MAGI2: variants seen among roughly 807,000 people sequenced by gnomAD.
MAGI2 encodes membrane-associated guanylate kinase, WW and PDZ domain-containing protein 2.
A neutral mutation model predicts 133.3 loss-of-function variants in MAGI2; 35 were observed. That is an observed-to-expected ratio of 0.26 (90% CI 0.20 to 0.35). MAGI2 has a LOEUF of 0.35. Among genes scored for constraint, MAGI2 ranks in the 10% least tolerant of loss-of-function variants. The pLI is 1.00. For synonymous variants in MAGI2, 729 were observed against 710.6 expected (o/e 1.03, Z -0.41); for missense variants, 1,636 against 1,863.4 (o/e 0.88, Z 2.25).
At chr7:79,026,947 G>T (rs1809953497) in intron 1 of MAGI2, among the ~76,000 whole-genome samples, 1 of 151,594 alleles carries the variant, frequency 6.6e-6, no homozygotes, top group East Asian at 1.9e-4. Flanking sequence ...ATGACCAAAA[G>T]ACATATTTAA....
chr7:79,089,054 T>C (rs901851639), intron 1 of MAGI2, among the ~76,000 whole-genome samples: 7 of 152,062 alleles, frequency 4.6e-5, no homozygotes, highest in African/African-American at 1.7e-4. Flanking sequence ...TCTATCCATC[T>C]GACAGAATCT....
chr7:79,288,883 T>C lies in MAGI2; in HGVS notation c.301+164137A>G, dbSNP rs1172691102. On this transcript the variant is annotated intron_variant, in intron 1 of 21. Transcript: ENST00000354212. Reference sequence around the variant, plus strand: ...CATACAATGAATGACGTTTAAATACTAGACTTTTTTCTTTTTTTAAGTTGG... The same window carrying C: ...CATACAATGAATGACGTTTAAATACCAGACTTTTTTCTTTTTTTAAGTTGG... Among the ~76,000 whole-genome samples the C allele has an allele frequency of 2.6e-5, 4 of 152,194 alleles. No homozygotes were observed. In the East Asian group the frequency reaches 5.8e-4, roughly 22 times the overall value.
chr7:78,167,791 G>A lies in MAGI2; in HGVS notation c.2596+125C>T, dbSNP rs771343140. On this transcript the variant is annotated intron_variant, in intron 15 of 21. Coordinates refer to ENST00000354212, the MANE Select transcript of MAGI2 (RefSeq NM_012301.4). ...TCATCATTACTTTTGGAATATCTAGGTTGTTTCCTTCCTCATATAATGTAG... is the reference window on the plus strand; with the variant it reads ...TCATCATTACTTTTGGAATATCTAGATTGTTTCCTTCCTCATATAATGTAG... 4.6e-6 allele frequency: 4 copies of A among 863,084 alleles called. No homozygotes were observed. In the East Asian group the frequency reaches 9.9e-5, roughly 21 times the overall value. 53.5% of individuals were successfully genotyped at this position (863,084 alleles called of 1,614,324 possible). A position where few individuals can be genotyped will look rare whatever the true frequency, so the allele number is the denominator to read the frequency against.
At chr7:79,371,130 T>C (rs2129133623) in intron 1 of MAGI2, among the ~76,000 whole-genome samples, 1 of 152,282 alleles carries the variant, frequency 6.6e-6, no homozygotes, top group South Asian at 2.1e-4. Context: ...TATTTTCTTC[T>C]TCTAAAATCC....
At chr7:78,747,410 T>C (rs922102570) in intron 2 of MAGI2, among the ~76,000 whole-genome samples, 2 of 152,168 alleles carry the variant, frequency 1.3e-5, no homozygotes, top group African/African-American at 4.8e-5. Context: ...AATAAATATT[T>C]ATTGAATGTC....
rs900318863 is a variant in MAGI2, at chr7:78,386,260, C to A, written c.1046-17047G>T. Among the ~76,000 whole-genome samples the A allele has an allele frequency of 5.3e-5, 8 of 152,200 alleles. No individual in the cohort carries two copies. The East Asian group carries it at 1.2e-3, about 22-fold the overall frequency. Reference sequence around the variant, plus strand: ...TCCATACAGCATATATATATTCTCTCTATATAATAATGCAAAAAAAGTAGA... The same window carrying A: ...TCCATACAGCATATATATATTCTCTATATATAATAATGCAAAAAAAGTAGA... On this transcript the variant is annotated intron_variant, in intron 6 of 21. Coordinates refer to ENST00000354212, the MANE Select transcript of MAGI2 (RefSeq NM_012301.4).
chr7:78,884,130 A>T (rs1022201062), intron 2 of MAGI2, among the ~76,000 whole-genome samples: 2 of 152,150 alleles, frequency 1.3e-5, no homozygotes, highest in African/African-American at 4.8e-5. Context: ...AATATTCAGA[A>T]TCTATAAAAA....
chr7:78,383,615 A>ACTTTTT (rs1795120856), intron 6 of MAGI2, among the ~76,000 whole-genome samples: 1 of 151,788 alleles, frequency 6.6e-6, no homozygotes, highest in African/African-American at 2.4e-5. Context: ...AACATAGTTC[A>ACTTTTT]CTTTTTCTTT....
intron 1 of MAGI2, among the ~76,000 whole-genome samples, chr7:79,257,807 A>T (rs1016555752): frequency 6.6e-6 from 1 of 152,060 alleles, no homozygotes; most frequent in Non-Finnish European, 1.5e-5. Flanking sequence ...ACTCACGAGA[A>T]AAAGGAATAA....
At chr7:78,920,988 T>C (rs1799179713) in intron 2 of MAGI2, among the ~76,000 whole-genome samples, 1 of 152,174 alleles carries the variant, frequency 6.6e-6, no homozygotes, top group African/African-American at 2.4e-5. Context: ...CCTTTGTTCC[T>C]AACTTTCCTG....
intron 2 of MAGI2, among the ~76,000 whole-genome samples, chr7:78,697,804 C>T (rs1426307665): frequency 6.6e-6 from 1 of 152,072 alleles, no homozygotes; most frequent in Non-Finnish European, 1.5e-5. Context: ...ATTATGTCTA[C>T]ATTGCCTTTC....
Position 78,532,733 on chromosome 7 carries a change from A to C in MAGI2, c.539-11088T>G, listed in dbSNP as rs1199230438. Among the ~76,000 whole-genome samples, 4 of 152,244 alleles carry C rather than the reference A, an allele frequency of 2.6e-5. No homozygotes were observed. The South Asian group carries it at 8.3e-4, about 31-fold the overall frequency. On this transcript the variant is annotated intron_variant, in intron 3 of 21. Coordinates refer to ENST00000354212, the MANE Select transcript of MAGI2 (RefSeq NM_012301.4). ...AAGTAGTACTAACGCATAAGTCAGA[A>C]AAACAACAAACAAACCAAAAAGCTA...
chr7:78,285,413 C>G (rs960289317), intron 9 of MAGI2, among the ~76,000 whole-genome samples: 2 of 151,930 alleles, frequency 1.3e-5, no homozygotes, highest in African/African-American at 4.8e-5. Flanking sequence ...AGTAATTTTG[C>G]TAGTCATTTT....
intron 2 of MAGI2, among the ~76,000 whole-genome samples, chr7:78,737,498 A>T (rs1046429775): frequency 6.6e-6 from 1 of 152,174 alleles, no homozygotes. Flanking sequence ...GAATATTCAC[A>T]ATTACTTAAA....
At chr7:78,206,889 A>G (rs897291954) in intron 10 of MAGI2, among the ~76,000 whole-genome samples, 11 of 152,178 alleles carry the variant, frequency 7.2e-5, no homozygotes, top group African/African-American at 1.4e-4. Context: ...TTAAACAAAG[A>G]TATGTTTCAC....
At chr7:79,127,583 T>A (rs568741564) in intron 1 of MAGI2, among the ~76,000 whole-genome samples, 2 of 152,356 alleles carry the variant, frequency 1.3e-5, no homozygotes, top group African/African-American at 2.4e-5. Context: ...TGTTTTTGGC[T>A]GCATAAATGT....
intron 3 of MAGI2, among the ~76,000 whole-genome samples, chr7:78,538,596 G>T (rs1401734006): frequency 1.3e-5 from 2 of 152,056 alleles, no homozygotes; most frequent in Non-Finnish European, 2.9e-5. Context: ...GTTGGTGGTT[G>T]TTGTAGCTAT....
intron 1 of MAGI2, among the ~76,000 whole-genome samples, chr7:79,144,082 T>G (rs1379209813): frequency 6.6e-6 from 1 of 152,172 alleles, no homozygotes; most frequent in Non-Finnish European, 1.5e-5. Context: ...ATCTGTAAAG[T>G]GGGACAATCA....
intron 2 of MAGI2, among the ~76,000 whole-genome samples, chr7:78,904,401 A>C (rs770417457): frequency 5.9e-5 from 9 of 152,238 alleles, no homozygotes; most frequent in Non-Finnish European, 8.8e-5. Flanking sequence ...TGGGGAGGAT[A>C]AAATCAAATG....
Sources: gnomAD v4.1 joint callset for allele counts (sites outside exome capture counted in the v4.1 genomes callset) on GRCh38, gnomAD v4.1.1 for gene constraint, MANE v1.5 for transcripts, NCBI Gene and HGNC (gene_info 2026-07-23, HGNC 2026-07-21) for gene names.